Variants in TTYH1 observed in about 807,000 individuals in gnomAD.
The protein encoded by TTYH1 is protein tweety homolog 1.
Under a neutral mutation model 61.2 loss-of-function variants are expected in TTYH1, and 33 were observed. That is an observed-to-expected ratio of 0.54 (90% CI 0.41 to 0.72). The LOEUF is 0.72. Among genes scored for constraint, TTYH1 ranks in the 30% least tolerant of loss-of-function variants. The pLI, the probability that TTYH1 is intolerant of heterozygous loss-of-function variation, is 0.00. For missense variants in TTYH1, 538 were observed against 575.8 expected, an observed-to-expected ratio of 0.93 and a Z score of 0.67; for synonymous variants, 308 against 266.4, an observed-to-expected ratio of 1.16 and a Z score of -1.52.
At position 54,429,408 on chromosome 19, in the gene TTYH1, C is replaced by G; in HGVS notation, c.807+29C>G. The G allele has an allele frequency of 1.9e-6, 3 of 1,608,356 alleles. No homozygotes were observed. The highest frequency in any genetic ancestry group is 1.7e-6 in the Non-Finnish European group (2 of 1,175,786). On this transcript the variant is annotated intron_variant, in intron 6 of 13. Transcript: ENST00000376530. This position sits in a 1 kb window ranked among gnomAD's most constrained non-coding sequence, Gnocchi z 5.1. The stretch of plus-strand genomic sequence containing the variant: ...AGTGCCAGGGCCGGGCCATTGGGCT[C>G]TGGGACTCAGGGGGCCTGGAGACTT...
chr19:54,416,892 C>A lies in TTYH1; in HGVS notation c.126+1214C>A, dbSNP rs111506381. The A allele has an allele frequency of 7.4e-5, 95 of 1,287,324 alleles. 4 individuals are homozygous for A. In the African/African-American group the frequency reaches 7.9e-4, roughly 11 times the overall value. 79.7% of individuals were successfully genotyped at this position (1,287,324 alleles called of 1,614,324 possible). ...GGCCCGGAGACCTCCCGAAGCCGCACGCGGGGATCCGCGGCCCCAGTCACC... is the reference window on the plus strand; with the variant it reads ...GGCCCGGAGACCTCCCGAAGCCGCAAGCGGGGATCCGCGGCCCCAGTCACC... On this transcript the variant is annotated intron_variant, in intron 1 of 13. Transcript: ENST00000376530. The surrounding 1 kb of genome is among the most constrained non-coding windows in gnomAD (Gnocchi z 7.0).
Position 54,436,256 on chromosome 19 carries a change from G to C in TTYH1, c.*43-77G>C, listed in dbSNP as rs575301777. On this transcript the variant is annotated intron_variant, in intron 13 of 13. Coordinates refer to ENST00000376530, the MANE Select transcript of TTYH1 (RefSeq NM_020659.4). This position sits in a 1 kb window ranked among gnomAD's most constrained non-coding sequence, Gnocchi z 4.3. ...CCGAGCTGCTCCAGGCATGGGCTGC[G>C]TGCCTCCTGCTGGGTGGATCGCACC... 34 of 1,608,208 alleles carry C rather than the reference G, an allele frequency of 2.1e-5. No individual in the cohort carries two copies. The highest frequency in any genetic ancestry group is 2.7e-5 in the Non-Finnish European group (32 of 1,175,196).
Position 54,421,437 on chromosome 19 carries a change from T to C in TTYH1, c.417+49T>C. 1 of 1,269,734 alleles carries C rather than the reference T, an allele frequency of 7.9e-7. No individual in the cohort carries two copies. The highest frequency in any genetic ancestry group is 1.2e-6 in the Non-Finnish European group (1 of 866,778). The allele number at this position is 1,269,734 out of a possible 1,614,324, so 78.7% of individuals were successfully genotyped here. A position where few individuals can be genotyped will look rare whatever the true frequency, so the allele number is the denominator to read the frequency against. The stretch of plus-strand genomic sequence containing the variant: ...ACCCCAGACCCACACCTGGACGGGC[T>C]CCCCACACCCAAGGACAAAGGGATC... On this transcript the variant is annotated intron_variant, in intron 3 of 13. Transcript: ENST00000376530. The surrounding 1 kb of genome is among the most constrained non-coding windows in gnomAD (Gnocchi z 4.8).
chr19:54,435,986 G>A, intron 12 of TTYH1, 105 bp from the exon 13 acceptor site: 1 of 1,569,928 alleles, frequency 6.4e-7, no homozygotes, highest in Non-Finnish European at 8.7e-7. Flanking sequence ...AGGGGCTGGG[G>A]CCCGGACTCC....
rs890582153 is a variant in TTYH1, at chr19:54,420,206, A to G, written c.305+900A>G. On this transcript the variant is annotated intron_variant, in intron 2 of 13. Coordinates refer to ENST00000376530, the MANE Select transcript of TTYH1 (RefSeq NM_020659.4). This position sits in a 1 kb window ranked among gnomAD's most constrained non-coding sequence, Gnocchi z 4.8. Reference sequence around the variant, plus strand: ...CGGCAGGGCAGCACCCACAGGTTGCAGACAGCAATCCTCTTCCACAGACGG... The same window carrying G: ...CGGCAGGGCAGCACCCACAGGTTGCGGACAGCAATCCTCTTCCACAGACGG... Among the ~76,000 whole-genome samples the G allele has an allele frequency of 3.3e-5, 5 of 152,186 alleles. No homozygotes were observed. Among genetic ancestry groups the G allele is most frequent in the Non-Finnish European group, 5.9e-5 (4 of 68,030 alleles).
At chr19:54,431,493 G>A in intron 10 of TTYH1, 1 of 423,648 alleles carries the variant, frequency 2.4e-6, no homozygotes, top group Non-Finnish European at 4.0e-6. Context: ...TTCCTTCCTT[G>A]TCTTCTCTCC....
At chr19:54,435,491 C>T (rs1444967771) in intron 10 of TTYH1, 51 bp from the exon 11 acceptor site, 1 of 1,546,616 alleles carries the variant, frequency 6.5e-7, no homozygotes, top group Admixed American at 1.8e-5. Flanking sequence ...ACAGTGTGTG[C>T]CGATGGGGGA....
At chr19:54,424,704 C>A (rs1005142382) in intron 4 of TTYH1, among the ~76,000 whole-genome samples, 1 of 152,188 alleles carries the variant, frequency 6.6e-6, no homozygotes, top group African/African-American at 2.4e-5. Flanking sequence ...GCACCCCACA[C>A]TTGGGAGTCC....
Position 54,429,269 on chromosome 19 carries a change from T to G in TTYH1, c.735-38T>G. The G allele has an allele frequency of 6.2e-7, 1 of 1,600,468 alleles. No individual in the cohort carries two copies. Among genetic ancestry groups the G allele is most frequent in the Non-Finnish European group, 8.6e-7 (1 of 1,167,870 alleles). ...TGTGGAAAGAGGCTAGGCTAGGAGA[T>G]TAAGAACCCCGGGCTGATCCTCCCT... On this transcript the variant is annotated intron_variant, in intron 5 of 13. Coordinates refer to ENST00000376530, the MANE Select transcript of TTYH1 (RefSeq NM_020659.4). This position sits in a 1 kb window ranked among gnomAD's most constrained non-coding sequence, Gnocchi z 5.1.
chr19:54,434,330 C>T lies in TTYH1; in HGVS notation c.1126-1212C>T, dbSNP rs1385406282. On this transcript the variant is annotated intron_variant, in intron 10 of 13. Coordinates refer to ENST00000376530, the MANE Select transcript of TTYH1 (RefSeq NM_020659.4). The surrounding 1 kb of genome is among the most constrained non-coding windows in gnomAD (Gnocchi z 4.3). ...AAAACGCTCAGTGATTCCCCTCAGA[C>T]ATGGATTAAAATCCCTGTTCCTCGC... The T allele has an allele frequency of 6.6e-6, 1 of 152,370 alleles. No homozygotes were observed. The highest frequency in any genetic ancestry group is 2.4e-5 in the African/African-American group (1 of 41,432). The allele number at this position is 152,370 out of a possible 1,614,324, so 9.4% of individuals were successfully genotyped here. A position where few individuals can be genotyped will look rare whatever the true frequency, so the allele number is the denominator to read the frequency against.
chr19:54,434,396 C>G lies in TTYH1; in HGVS notation c.1126-1146C>G, dbSNP rs1210922131. On this transcript the variant is annotated intron_variant, in intron 10 of 13. Coordinates refer to ENST00000376530, the MANE Select transcript of TTYH1 (RefSeq NM_020659.4). This position sits in a 1 kb window ranked among gnomAD's most constrained non-coding sequence, Gnocchi z 4.3. ...CCTGGGTGGTCAGTCCTGGATCTGT[C>G]TGCCTCTGGCCTCAGCCCCTCCCAG... is the stretch of plus-strand genomic sequence containing the variant. 6.5e-6 allele frequency: 1 copy of G among 152,878 alleles called. No homozygotes were observed. Among genetic ancestry groups the G allele is most frequent in the East Asian group, 1.9e-4 (1 of 5,214 alleles). 9.5% of individuals were successfully genotyped at this position (152,878 alleles called of 1,614,324 possible).
At chr19:54,431,254 T>C in intron 10 of TTYH1, 63 bp downstream of exon 10, 2 of 1,123,554 alleles carry the variant, frequency 1.8e-6, no homozygotes, top group Non-Finnish European at 2.7e-6. Flanking sequence ...CCCACAGAAC[T>C]ACCTCCTCCT....
chr19:54,435,399 C>A, intron 10 of TTYH1, 143 bp from the exon 11 acceptor site: 1 of 1,055,930 alleles, frequency 9.5e-7, no homozygotes, highest in Non-Finnish European at 1.4e-6. Flanking sequence ...CAGAACTGCC[C>A]TTTGACAGGG....
chr19:54,415,894 A>G lies in TTYH1; in HGVS notation c.126+216A>G. 1.3e-6 allele frequency: 1 copy of G among 794,188 alleles called. No individual in the cohort carries two copies. The highest frequency in any genetic ancestry group is 2.0e-5 in the South Asian group (1 of 50,668). The allele number at this position is 794,188 out of a possible 1,614,324, so 49.2% of individuals were successfully genotyped here. ...TGGGGGTCCAGACCTCGAGCTCTCT[A>G]AATAAGGGAAGGCTGGGGACCTGCA... On this transcript the variant is annotated intron_variant, in intron 1 of 13. Coordinates refer to ENST00000376530, the MANE Select transcript of TTYH1 (RefSeq NM_020659.4). The surrounding 1 kb of genome is among the most constrained non-coding windows in gnomAD (Gnocchi z 5.2).
chr19:54,425,469 T>C (rs1415718231), intron 4 of TTYH1, among the ~76,000 whole-genome samples: 1 of 152,212 alleles, frequency 6.6e-6, no homozygotes, highest in Non-Finnish European at 1.5e-5. Flanking sequence ...TGATTGGCTA[T>C]TTCTTTACTT....
chr19:54,436,471 C>T lies in TTYH1; in HGVS notation c.*181C>T, dbSNP rs375891368. On this transcript the variant is annotated 3_prime_UTR_variant, in exon 14 of 14. Transcript: ENST00000376530. This position sits in a 1 kb window ranked among gnomAD's most constrained non-coding sequence, Gnocchi z 4.3. ...CTGTGCTCCCATTTCTGTCCTTGGC[C>T]TTGGGAGTAGCTGAGGGGGCAGACT... The T allele has an allele frequency of 1.9e-5, 26 of 1,390,164 alleles. No homozygotes were observed. In the East Asian group the frequency reaches 3.7e-4, roughly 20 times the overall value. 86.1% of individuals were successfully genotyped at this position (1,390,164 alleles called of 1,614,324 possible).
In TTYH1 at chr19:54,435,687, C is replaced by T. The variant is rs1458923179; in HGVS notation, c.1268+3C>T. The T allele has an allele frequency of 6.2e-7, 1 of 1,608,538 alleles. No homozygotes were observed. The highest frequency in any genetic ancestry group is 8.5e-7 in the Non-Finnish European group (1 of 1,177,476). ...GCCTGGGCCCTCTTCCCACCCAGGT[C>T]AGGAGCGGGGGAGGGTAGGGTCCTG... On this transcript the variant is annotated splice_donor_region_variant and intron_variant, in intron 11 of 13. Coordinates refer to ENST00000376530, the MANE Select transcript of TTYH1 (RefSeq NM_020659.4).
Position 54,415,538 on chromosome 19 carries a change from CCT to C in TTYH1, c.-13_-12del. 6.9e-7 allele frequency: 1 copy of C among 1,447,672 alleles called. No individual in the cohort carries two copies. The allele number at this position is 1,447,672 out of a possible 1,614,324, so 89.7% of individuals were successfully genotyped here. A position where few individuals can be genotyped will look rare whatever the true frequency, so the allele number is the denominator to read the frequency against. The stretch of plus-strand genomic sequence containing the variant: ...AGCCCCGGCGTCCGCCCCGCTGCCC[CCT>C]CCCCCGGGGGCCATGGGGGCGCCCC... On this transcript the variant is annotated 5_prime_UTR_variant, in exon 1 of 14. Transcript: ENST00000376530. This position sits in a 1 kb window ranked among gnomAD's most constrained non-coding sequence, Gnocchi z 5.2.
rs776525086 is a variant in TTYH1 at position 54,430,617 on chromosome 19, G to A, written c.939+12G>A. The A allele has an allele frequency of 1.5e-5, 24 of 1,613,748 alleles. No individual in the cohort carries two copies. Among genetic ancestry groups the A allele is most frequent in the Non-Finnish European group, 2.0e-5 (24 of 1,179,856 alleles). ...ACCCCTTCCAACAGGTTAGGGCTGC[G>A]GGCAGGGGAAACGGGTGTTGAGGGA... is the stretch of plus-strand genomic sequence containing the variant. On this transcript the variant is annotated intron_variant, in intron 8 of 13. Transcript: ENST00000376530.
Sources: allele counts gnomAD v4.1 joint callset (sites outside exome capture counted in the v4.1 genomes callset), GRCh38; gene constraint gnomAD v4.1.1; non-coding constraint Gnocchi (gnomAD v3.1); transcripts MANE v1.5; gene names NCBI Gene and HGNC (gene_info 2026-07-23, HGNC 2026-07-21).